IRAG1: variants seen among roughly 807,000 people sequenced by gnomAD.
IRAG1 encodes the protein inositol 1,4,5-triphosphate receptor associated 1, also known as IP3R-associated cGMP kinase substrate.
Under a neutral mutation model 106.2 loss-of-function variants are expected in IRAG1, and 62 were observed. The observed-to-expected ratio is 0.58, with a 90% CI of 0.48 to 0.72. The LOEUF (loss-of-function observed/expected upper bound fraction) is 0.72, where lower values mean the gene tolerates loss of function less well. Ranked by LOEUF, IRAG1 falls within the 30% of genes least tolerant of loss-of-function variation. The pLI is 0.00. For missense variants in IRAG1, 1,064 were observed against 1,140.7 expected (o/e 0.93, Z 0.97); for synonymous variants, 462 against 443.9 (o/e 1.04, Z -0.51).
At chr11:10,580,316 G>T in intron 20 of IRAG1, 139 bp downstream of exon 20, 1 of 1,291,892 alleles carries the variant, frequency 7.7e-7, no homozygotes. Flanking sequence ...GTGCCCTCTT[G>T]GTTTCTTGGG....
At chr11:10,637,778 C>G (rs1029816047) in intron 2 of IRAG1, among the ~76,000 whole-genome samples, 2 of 151,878 alleles carry the variant, frequency 1.3e-5, no homozygotes, top group Non-Finnish European at 2.9e-5. Context: ...GATCTGGGGC[C>G]CCGAGGACAT....
At chr11:10,627,095 C>T (rs1856299467) in intron 8 of IRAG1, among the ~76,000 whole-genome samples, 1 of 152,174 alleles carries the variant, frequency 6.6e-6, no homozygotes, top group Non-Finnish European at 1.5e-5. Flanking sequence ...TGCTCAGAAG[C>T]TCTAAGATTC....
intron 1 of IRAG1, among the ~76,000 whole-genome samples, chr11:10,663,134 A>G (rs1859523725): frequency 6.6e-6 from 1 of 152,224 alleles, no homozygotes; most frequent in Non-Finnish European, 1.5e-5. Flanking sequence ...AGGAACCAGA[A>G]GAGGCACCCT....
intron 2 of IRAG1, among the ~76,000 whole-genome samples, chr11:10,637,761 G>A (rs966396716): frequency 6.6e-6 from 1 of 152,030 alleles, no homozygotes; most frequent in African/African-American, 2.4e-5. Flanking sequence ...AAGAGAAGTG[G>A]AACAATGATC....
intron 1 of IRAG1, among the ~76,000 whole-genome samples, chr11:10,670,860 G>A (rs536980943): frequency 5.9e-5 from 9 of 152,302 alleles, no homozygotes; most frequent in Admixed American, 3.3e-4. Flanking sequence ...GAGAGAGGCC[G>A]CAGAAGAAAC....
intron 10 of IRAG1, among the ~76,000 whole-genome samples, chr11:10,623,110 C>A (rs1303057831): frequency 2.0e-5 from 3 of 152,172 alleles, no homozygotes; most frequent in African/African-American, 7.2e-5. Flanking sequence ...GGTAGCAGGG[C>A]TTACAGTTCC....
intron 10 of IRAG1, among the ~76,000 whole-genome samples, chr11:10,621,806 CG>C (rs1855856145): frequency 6.6e-6 from 1 of 152,110 alleles, no homozygotes; most frequent in Non-Finnish European, 1.5e-5. Context: ...CTAGGTGACA[CG>C]GATGAACCTT....
At chr11:10,606,953 G>A (rs1292597885) in intron 11 of IRAG1, among the ~76,000 whole-genome samples, 181 bp from the exon 12 acceptor site, 2 of 152,092 alleles carry the variant, frequency 1.3e-5, no homozygotes, top group Non-Finnish European at 2.9e-5. Flanking sequence ...GACTCTTACG[G>A]CACCATGACT....
intron 10 of IRAG1, chr11:10,617,101 G>C (rs896456170): frequency 1.0e-6 from 1 of 985,166 alleles, no homozygotes; most frequent in Non-Finnish European, 1.2e-6. Context: ...GTCTAGACTG[G>C]GGGTTTTGGA....
At chr11:10,603,509 C>T (rs1163806962) in intron 13 of IRAG1, among the ~76,000 whole-genome samples, 1 of 152,160 alleles carries the variant, frequency 6.6e-6, no homozygotes, top group Non-Finnish European at 1.5e-5. Flanking sequence ...TGCTGCTGAT[C>T]TGACAGGCGG....
At chr11:10,633,184 C>T (rs1162896126) in intron 3 of IRAG1, among the ~76,000 whole-genome samples, 1 of 151,202 alleles carries the variant, frequency 6.6e-6, no homozygotes, top group African/African-American at 2.4e-5. Flanking sequence ...ACGCCATTCT[C>T]CTGCCTCAGC....
In IRAG1 at chr11:10,641,802, TG is replaced by T. The variant is rs529486725; in HGVS notation, c.226-7732del. The stretch of plus-strand genomic sequence containing the variant: ...ATTGATATCTTTCTTTTTTCTCTTC[TG>T]CTTTTCTATTTTGATCTCCACTTTA... On this transcript the variant is annotated intron_variant, in intron 2 of 20. Coordinates refer to ENST00000423302, the MANE Select transcript of IRAG1 (RefSeq NM_130385.4). Among the ~76,000 whole-genome samples, 17 of 152,336 alleles carry T rather than the reference TG, an allele frequency of 1.1e-4. No individual in the cohort carries two copies. In the East Asian group the frequency reaches 3.3e-3, roughly 29 times the overall value.
intron 2 of IRAG1, among the ~76,000 whole-genome samples, chr11:10,640,233 G>A (rs1173537238): frequency 1.3e-5 from 2 of 152,176 alleles, no homozygotes; most frequent in Non-Finnish European, 2.9e-5. Flanking sequence ...TGGGGAGGAG[G>A]ACCATGGCAG....
intron 1 of IRAG1, among the ~76,000 whole-genome samples, chr11:10,693,249 G>A (rs535080992): frequency 5.9e-5 from 9 of 152,326 alleles, no homozygotes; most frequent in Admixed American, 2.6e-4. Context: ...GGTTGCAATC[G>A]CCTGTCAGGA....
At chr11:10,581,311 C>T (rs547365100) in intron 19 of IRAG1, among the ~76,000 whole-genome samples, 2 of 152,250 alleles carry the variant, frequency 1.3e-5, no homozygotes, top group East Asian at 3.9e-4. Flanking sequence ...CATAGGGCAC[C>T]ATACATGGTT....
In IRAG1 at chr11:10,620,633, T is replaced by C. The variant is rs570867643; in HGVS notation, c.1447+3145A>G. Among the ~76,000 whole-genome samples, 10 of 152,318 alleles carry C rather than the reference T, an allele frequency of 6.6e-5. No homozygotes were observed. In the East Asian group the frequency reaches 1.7e-3, roughly 26 times the overall value. On this transcript the variant is annotated intron_variant, in intron 10 of 20. Coordinates refer to ENST00000423302, the MANE Select transcript of IRAG1 (RefSeq NM_130385.4). ...AATAAACTTAAAACAATGACAATTA[T>C]TGATTATTCTTACTATATTCTGAAT... is the stretch of plus-strand genomic sequence containing the variant.
chr11:10,590,646 T>G (rs549858636), intron 18 of IRAG1, among the ~76,000 whole-genome samples: 1 of 136,388 alleles, frequency 7.3e-6, no homozygotes, highest in Admixed American at 6.8e-5. Context: ...GTGATCCAGA[T>G]GTTTTTCAGC....
rs551995175 is a variant in IRAG1 at position 10,574,909 on chromosome 11, C to A, written c.*1423G>T. 1.3e-5 allele frequency: 2 copies of A among 152,212 alleles called. No individual in the cohort carries two copies. Among genetic ancestry groups the A allele is most frequent in the East Asian group, 3.9e-4 (2 of 5,186 alleles). The allele number at this position is 152,212 out of a possible 1,614,324, so 9.4% of individuals were successfully genotyped here. ...CTTGTTCTTTTTGTGCTTCAGTTTC[C>A]TTATTTGAAAATGGGAAGGGTAATA... is the stretch of plus-strand genomic sequence containing the variant. On this transcript the variant is annotated 3_prime_UTR_variant, in exon 21 of 21. Transcript: ENST00000423302.
intron 13 of IRAG1, 119 bp from the exon 14 acceptor site, chr11:10,603,370 G>A (rs1341016527): frequency 2.6e-6 from 3 of 1,154,258 alleles, no homozygotes; most frequent in Admixed American, 2.2e-5. Flanking sequence ...CACAAACCTG[G>A]TGGGGGCGAT....
Sources: allele counts gnomAD v4.1 joint callset (sites outside exome capture counted in the v4.1 genomes callset), GRCh38; gene constraint gnomAD v4.1.1; transcripts MANE v1.5; gene names NCBI Gene and HGNC (gene_info 2026-07-23, HGNC 2026-07-21).